Variants in DUSP19 observed in about 807,000 individuals in gnomAD.
DUSP19 encodes dual specificity protein phosphatase 19.
DUSP19 carries 14 observed loss-of-function variants against 16.6 expected under a neutral mutation model. The observed-to-expected ratio is 0.84, with a 90% CI of 0.56 to 1.32. The LOEUF is 1.32. Ranked by LOEUF, DUSP19 falls within the 40% of genes most tolerant of loss-of-function variation. The pLI is 0.00. For synonymous variants in DUSP19, 81 were observed against 90.5 expected (o/e 0.90, Z 0.59); for missense variants, 258 against 255.9 (o/e 1.01, Z -0.06).
At chr2:183,085,319 C>G (rs1699645582) in intron 2 of DUSP19, among the ~76,000 whole-genome samples, 1 of 151,796 alleles carries the variant, frequency 6.6e-6, no homozygotes, top group Non-Finnish European at 1.5e-5. Context: ...AAGAAGAGTC[C>G]GCAGTGGGAA....
intron 2 of DUSP19, among the ~76,000 whole-genome samples, chr2:183,084,312 A>T (rs893119050): frequency 1.3e-5 from 2 of 152,068 alleles, no homozygotes; most frequent in Admixed American, 1.3e-4. Context: ...CTGTAATCCC[A>T]AGGCTTTGGG....
rs1243670740 is a variant in DUSP19 at position 183,098,004 on chromosome 2, G to A, written c.*2346G>A. 3 of 152,224 alleles carry A rather than the reference G, an allele frequency of 2.0e-5. No homozygotes were observed. Among genetic ancestry groups the A allele is most frequent in the Non-Finnish European group, 4.4e-5 (3 of 68,106 alleles). 9.4% of individuals were successfully genotyped at this position (152,224 alleles called of 1,614,324 possible). ...CCTCCCAGCTTCAAGCGATTCTCCTGTATCAGCCTCCCAAGTAGCTGGGAT... is the reference window on the plus strand; with the variant it reads ...CCTCCCAGCTTCAAGCGATTCTCCTATATCAGCCTCCCAAGTAGCTGGGAT... On this transcript the variant is annotated 3_prime_UTR_variant, in exon 4 of 4. Coordinates refer to ENST00000354221, the MANE Select transcript of DUSP19 (RefSeq NM_080876.4).
intron 1 of DUSP19, 52 bp from the exon 2 acceptor site, chr2:183,083,456 A>G: frequency 6.7e-7 from 1 of 1,484,540 alleles, no homozygotes; most frequent in Non-Finnish European, 9.1e-7. Flanking sequence ...TTTATATAAA[A>G]GTTCAAGATG....
At chr2:183,090,873 C>T (rs567765376) in intron 3 of DUSP19, among the ~76,000 whole-genome samples, 1 of 152,308 alleles carries the variant, frequency 6.6e-6, no homozygotes, top group African/African-American at 2.4e-5. Context: ...CGGCTGAGGC[C>T]AGCAGGCCTC....
At chr2:183,092,175 C>T (rs1430179797) in intron 3 of DUSP19, among the ~76,000 whole-genome samples, 1 of 152,100 alleles carries the variant, frequency 6.6e-6, no homozygotes, top group Non-Finnish European at 1.5e-5. Context: ...CATTCCACTG[C>T]AAAATTCTTA....
Position 183,078,766 on chromosome 2 carries a change from A to G in DUSP19, c.-168A>G, listed in dbSNP as rs1468257091. On this transcript the variant is annotated 5_prime_UTR_variant, in exon 1 of 4. Transcript: ENST00000354221. ...CGCCTTACATTGCATCGCTGGGATA[A>G]ACGGAGCTGGACGACTCAGTCTCTT... 3.4e-5 allele frequency: 21 copies of G among 617,998 alleles called. No individual in the cohort carries two copies. Among genetic ancestry groups the G allele is most frequent in the African/African-American group, 5.5e-5 (3 of 54,192 alleles). The allele number at this position is 617,998 out of a possible 1,614,324, so 38.3% of individuals were successfully genotyped here.
At position 183,078,787 on chromosome 2, in the gene DUSP19, C is replaced by G. The variant is rs1032337117; in HGVS notation, c.-147C>G. The G allele has an allele frequency of 1.5e-6, 1 of 681,562 alleles. No individual in the cohort carries two copies. The highest frequency in any genetic ancestry group is 2.5e-6 in the Non-Finnish European group (1 of 404,400). 42.2% of individuals were successfully genotyped at this position (681,562 alleles called of 1,614,324 possible). A position where few individuals can be genotyped will look rare whatever the true frequency, so the allele number is the denominator to read the frequency against. ...GATAAACGGAGCTGGACGACTCAGT[C>G]TCTTGGTCTGTGGCTGCTGCGGTTA... On this transcript the variant is annotated 5_prime_UTR_variant, in exon 1 of 4. Coordinates refer to ENST00000354221, the MANE Select transcript of DUSP19 (RefSeq NM_080876.4).
chr2:183,080,907 C>T (rs1179349339), intron 1 of DUSP19, among the ~76,000 whole-genome samples: 3 of 152,196 alleles, frequency 2.0e-5, no homozygotes, highest in Non-Finnish European at 4.4e-5. Context: ...ACCCGCAGTT[C>T]TTCTACATGA....
At chr2:183,079,872 TAGAG>T (rs1286812138) in intron 1 of DUSP19, among the ~76,000 whole-genome samples, 1 of 152,222 alleles carries the variant, frequency 6.6e-6, no homozygotes, top group Admixed American at 6.5e-5. Flanking sequence ...TATTTATGAA[TAGAG>T]AAATTAAGAC....
chr2:183,094,183 T>C (rs1028785311), intron 3 of DUSP19, among the ~76,000 whole-genome samples: 1 of 152,206 alleles, frequency 6.6e-6, no homozygotes, highest in Non-Finnish European at 1.5e-5. Context: ...CTAATTTTGT[T>C]ATTAATCATT....
chr2:183,082,237 G>A (rs1699600999), intron 1 of DUSP19, among the ~76,000 whole-genome samples: 1 of 151,940 alleles, frequency 6.6e-6, no homozygotes, highest in East Asian at 1.9e-4. Context: ...GATGTTTATT[G>A]TAAAAAGTCA....
chr2:183,087,632 G>A (rs2675071), intron 3 of DUSP19, among the ~76,000 whole-genome samples: 67,258 of 152,122 alleles, frequency 0.44, 16,981 homozygotes, highest in African/African-American at 0.69. Flanking sequence ...TAGTACTTCA[G>A]GCTTGTTATT....
chr2:183,096,637 A>G lies in DUSP19; in HGVS notation c.*979A>G, dbSNP rs1385469187. On this transcript the variant is annotated 3_prime_UTR_variant, in exon 4 of 4. Coordinates refer to ENST00000354221, the MANE Select transcript of DUSP19 (RefSeq NM_080876.4). ...TATTGTGAGCTTTGGTTCTTTGAAC[A>G]GGTGATCTATTCTCTTACATTTTGT... The G allele has an allele frequency of 6.6e-6, 1 of 151,434 alleles. No homozygotes were observed. The highest frequency in any genetic ancestry group is 1.5e-5 in the Non-Finnish European group (1 of 67,942). 9.4% of individuals were successfully genotyped at this position (151,434 alleles called of 1,614,324 possible).
intron 1 of DUSP19, among the ~76,000 whole-genome samples, chr2:183,082,264 GAAAA>G (rs921257470): frequency 6.6e-6 from 1 of 150,558 alleles, no homozygotes; most frequent in Admixed American, 6.6e-5. Flanking sequence ...GCATAAAGAA[GAAAA>G]AAAAATCACC....
Position 183,086,629 on chromosome 2 carries a change from G to A in DUSP19, c.274-411G>A, listed in dbSNP as rs1271814730. ...CGAGACCAGCCTGGGCAAAAAAAGT[G>A]AGACCCGCCCCCCTCTTCTCTGAAA... On this transcript the variant is annotated intron_variant, in intron 2 of 3. Transcript: ENST00000354221. Among the ~76,000 whole-genome samples, 5 of 136,414 alleles carry A rather than the reference G, an allele frequency of 3.7e-5. No homozygotes were observed. In the Admixed American group the frequency reaches 3.7e-4, roughly 10 times the overall value. The allele number at this position is 136,414 out of a possible 152,430, so 89.5% of individuals were successfully genotyped here. A position where few individuals can be genotyped will look rare whatever the true frequency, so the allele number is the denominator to read the frequency against.
intron 1 of DUSP19, among the ~76,000 whole-genome samples, chr2:183,079,750 T>C (rs1266408853): frequency 6.6e-6 from 1 of 152,158 alleles, no homozygotes; most frequent in Non-Finnish European, 1.5e-5. Context: ...AGTTCACAAA[T>C]AGCAAATGAA....
At chr2:183,094,431 C>G (rs1699770930) in intron 3 of DUSP19, among the ~76,000 whole-genome samples, 1 of 152,110 alleles carries the variant, frequency 6.6e-6, no homozygotes, top group Non-Finnish European at 1.5e-5. Flanking sequence ...AATGAAGTAA[C>G]TAAAATGTCT....
At chr2:183,083,890 G>C (rs1411381156) in intron 2 of DUSP19, among the ~76,000 whole-genome samples, 2 of 152,154 alleles carry the variant, frequency 1.3e-5, no homozygotes, top group African/African-American at 4.8e-5. Context: ...CATACCTTAA[G>C]TCCCAACTCA....
chr2:183,089,670 G>A (rs750676965), intron 3 of DUSP19, among the ~76,000 whole-genome samples: 1 of 152,170 alleles, frequency 6.6e-6, no homozygotes, highest in Non-Finnish European at 1.5e-5. Context: ...TGCTGAGAGG[G>A]TCTGTGAGAT....
Sources: allele counts gnomAD v4.1 joint callset (sites outside exome capture counted in the v4.1 genomes callset), GRCh38; gene constraint gnomAD v4.1.1; transcripts MANE v1.5; gene names NCBI Gene and HGNC (gene_info 2026-07-23, HGNC 2026-07-21).